Variants in ZNF691 observed in about 807,000 individuals in gnomAD.
The protein encoded by ZNF691 is zinc finger protein 691.
In ZNF691, 11 loss-of-function variants were observed where a neutral mutation model predicts 24.1. That is an observed-to-expected ratio of 0.46 (90% CI 0.29 to 0.75). ZNF691 has a LOEUF of 0.75. Ranked by LOEUF, ZNF691 falls within the 30% of genes least tolerant of loss-of-function variation. The pLI is 0.11. For synonymous variants in ZNF691, 149 were observed against 153.9 expected (o/e 0.97, Z 0.23); for missense variants, 356 against 409.0 (o/e 0.87, Z 1.12).
rs768583400 is a variant in ZNF691, at chr1:42,851,172, A to G, written c.307A>G (p.Ile103Val). Residue 103 changes from isoleucine (I) to valine (V), a missense_variant, in exon 4 of 4, where the codon ATT (isoleucine) becomes GTT (valine). By Grantham distance (29) the Ile-to-Val change is conservative (BLOSUM62 3). Transcript: ENST00000651192. This position sits in a 1 kb window ranked among gnomAD's most constrained non-coding sequence, Gnocchi z 4.7. ...TVRARELGDP[I>V]AHPRHEADEK... ...CCGGGCTCGAGAGCTAGGGGACCCC[A>G]TTGCTCATCCAAGGCATGAGGCAGA... 18 of 1,614,190 alleles carry G rather than the reference A, an allele frequency of 1.1e-5. No individual in the cohort carries two copies. The South Asian group carries it at 1.9e-4, about 17-fold the overall frequency.
Position 42,851,267 on chromosome 1 carries a change from G to A in ZNF691, c.402G>A (p.Gln134=). ...ATACCTCCAACCTGAGAACACACCA[G>A]CGGATCCACACTGGTGAGAAGCCTT... ...FNNTSNLRTH[Q]RIHTGEKPYK... The change falls in exon 4 of 4, where the codon CAG becomes CAA. Residue 134 remains glutamine (Q), a synonymous_variant. Transcript: ENST00000651192. This position sits in a 1 kb window ranked among gnomAD's most constrained non-coding sequence, Gnocchi z 4.7. The A allele has an allele frequency of 6.2e-7, 1 of 1,613,852 alleles. No homozygotes were observed. Among genetic ancestry groups the A allele is most frequent in the Non-Finnish European group, 8.5e-7 (1 of 1,179,950 alleles).
At position 42,852,361 on chromosome 1, in the gene ZNF691, T is replaced by G; in HGVS notation, c.*548T>G. On this transcript the variant is annotated 3_prime_UTR_variant, in exon 4 of 4. Coordinates refer to ENST00000651192, the MANE Select transcript of ZNF691 (RefSeq NM_001242739.2). ...CACCTTAGAAATGAAAGGGAAACCC[T>G]CAGGGAGCCATGACCCAGGGACCTT... 4.8e-6 allele frequency: 1 copy of G among 208,220 alleles called. No homozygotes were observed. Among genetic ancestry groups the G allele is most frequent in the South Asian group, 9.7e-5 (1 of 10,260 alleles). 12.9% of individuals were successfully genotyped at this position (208,220 alleles called of 1,614,324 possible). A position where few individuals can be genotyped will look rare whatever the true frequency, so the allele number is the denominator to read the frequency against.
In ZNF691 at chr1:42,851,988, G is replaced by T; in HGVS notation, c.*175G>T. The stretch of plus-strand genomic sequence containing the variant: ...CAGGAAGTCCTGAGGAGGGACTCTG[G>T]AATAAAAACCCTTGCCTCTTTCCAG... On this transcript the variant is annotated 3_prime_UTR_variant, in exon 4 of 4. Transcript: ENST00000651192. The surrounding 1 kb of genome is among the most constrained non-coding windows in gnomAD (Gnocchi z 4.7). 9.8e-7 allele frequency: 1 copy of T among 1,024,170 alleles called. No homozygotes were observed. The highest frequency in any genetic ancestry group is 1.5e-6 in the Non-Finnish European group (1 of 667,142). The allele number at this position is 1,024,170 out of a possible 1,614,324, so 63.4% of individuals were successfully genotyped here.
intron 1 of ZNF691, among the ~76,000 whole-genome samples, chr1:42,849,032 T>C (rs961512448): frequency 6.6e-6 from 1 of 152,242 alleles, no homozygotes; most frequent in Admixed American, 6.5e-5. Flanking sequence ...CTTTATGTCT[T>C]GTCTATGGCT....
chr1:42,851,026 G>A lies in ZNF691; in HGVS notation c.161G>A (p.Trp54Ter). Residue 54 changes from tryptophan (W) to a stop codon, truncating the protein, a stop_gained, in exon 4 of 4, where the codon TGG becomes TAG. Transcript: ENST00000651192. LOFTEE classifies it high-confidence loss of function. The surrounding 1 kb of genome is among the most constrained non-coding windows in gnomAD (Gnocchi z 4.7). ...GAGGAAGGGGAAGGGGGTAAGCCTT[G>A]GAGAGTGGATGACTCAGAGGGTTCT... The part of the protein sequence containing the change: ...LPEEGEGGKP[W>*]RVDDSEGSWI... 1 of 1,570,882 alleles carries A rather than the reference G, an allele frequency of 6.4e-7. No individual in the cohort carries two copies. Among genetic ancestry groups the A allele is most frequent in the Non-Finnish European group, 8.6e-7 (1 of 1,160,356 alleles).
intron 1 of ZNF691, among the ~76,000 whole-genome samples, chr1:42,847,504 C>A (rs1445190327): frequency 6.6e-6 from 1 of 152,190 alleles, no homozygotes; most frequent in Non-Finnish European, 1.5e-5. Context: ...TATGAAAGTG[C>A]CTCTGTACTT....
At chr1:42,847,145 T>C (rs1238328249) in intron 1 of ZNF691, among the ~76,000 whole-genome samples, 1 of 152,180 alleles carries the variant, frequency 6.6e-6, no homozygotes, top group Non-Finnish European at 1.5e-5. Context: ...TCCTCCTGTA[T>C]CTCTGACCCG....
chr1:42,850,348 T>A, intron 3 of ZNF691: 1 of 934,110 alleles, frequency 1.1e-6, no homozygotes, highest in Non-Finnish European at 1.3e-6. Flanking sequence ...GTCCTGGAGG[T>A]CCCAGGTATT....
chr1:42,847,853 T>G (rs1443092493), intron 1 of ZNF691, among the ~76,000 whole-genome samples: 1 of 152,244 alleles, frequency 6.6e-6, no homozygotes, highest in African/African-American at 2.4e-5. Context: ...ATCTCTAAAA[T>G]AAGGATGATG....
chr1:42,848,494 G>C (rs1033803065), intron 1 of ZNF691, among the ~76,000 whole-genome samples: 4 of 152,190 alleles, frequency 2.6e-5, no homozygotes, highest in Non-Finnish European at 5.9e-5. Flanking sequence ...GCATAAAGGA[G>C]AAAGTAGGCA....
chr1:42,849,818 A>C, intron 3 of ZNF691, 76 bp downstream of exon 3: 1 of 1,276,332 alleles, frequency 7.8e-7, no homozygotes, highest in Non-Finnish European at 1.1e-6. Context: ...AGCACACATT[A>C]GTGATGTTTG....
intron 3 of ZNF691, 87 bp from the exon 4 acceptor site, chr1:42,850,863 G>GTAT: frequency 6.4e-7 from 1 of 1,567,860 alleles, no homozygotes; most frequent in Non-Finnish European, 8.6e-7. Flanking sequence ...TGGGGAAGGT[G>GTAT]TATACCCTTC....
Position 42,851,750 on chromosome 1 carries a change from C to T in ZNF691, c.885C>T (p.Ser295=). 2 of 1,614,240 alleles carry T rather than the reference C, an allele frequency of 1.2e-6. No individual in the cohort carries two copies. The highest frequency in any genetic ancestry group is 2.2e-5 in the East Asian group (1 of 44,888). Residue 295 remains serine (S), a synonymous_variant, in exon 4 of 4, where the codon AGC becomes AGT. Coordinates refer to ENST00000651192, the MANE Select transcript of ZNF691 (RefSeq NM_001242739.2). This position sits in a 1 kb window ranked among gnomAD's most constrained non-coding sequence, Gnocchi z 4.7. ...CTVCGKHFSR[S]SNLIRHQKTH... ...TGTGTGGGAAACACTTCTCCCGGAG[C>T]TCGAATCTCATCCGCCACCAGAAAA...
rs764821252 is a variant in ZNF691, at chr1:42,851,615, A to G, written c.750A>G (p.Thr250=). The G allele has an allele frequency of 1.9e-5, 31 of 1,614,052 alleles. No homozygotes were observed. The highest frequency in any genetic ancestry group is 2.5e-5 in the Non-Finnish European group (30 of 1,180,038). Residue 250 remains threonine, a synonymous_variant, in exon 4 of 4, where the codon ACA becomes ACG. Transcript: ENST00000651192. The surrounding 1 kb of genome is among the most constrained non-coding windows in gnomAD (Gnocchi z 4.7). ...TTGGCGTGCATCACCGCACCCACACAGGTGAGAGACCTTATGAGTGCACTG... is the reference window on the plus strand; with the variant it reads ...TTGGCGTGCATCACCGCACCCACACGGGTGAGAGACCTTATGAGTGCACTG... ...SSFGVHHRTH[T]GERPYECTEC...
In ZNF691 at chr1:42,852,105, A is replaced by C. The variant is rs150146455; in HGVS notation, c.*292A>C. ...AATAGGGTAGGCTCAGAACATGCTCATGTTATTAAGGCAGCAGTCCCCCTG... is the reference window on the plus strand; with the variant it reads ...AATAGGGTAGGCTCAGAACATGCTCCTGTTATTAAGGCAGCAGTCCCCCTG... On this transcript the variant is annotated 3_prime_UTR_variant, in exon 4 of 4. Transcript: ENST00000651192. The C allele has an allele frequency of 2.6e-4, 136 of 518,196 alleles. No individual in the cohort carries two copies. Among genetic ancestry groups the C allele is most frequent in the African/African-American group, 2.4e-3 (127 of 51,856 alleles). 32.1% of individuals were successfully genotyped at this position (518,196 alleles called of 1,614,324 possible).
At position 42,851,112 on chromosome 1, in the gene ZNF691, A is replaced by G; in HGVS notation, c.247A>G (p.Thr83Ala). 2.5e-6 allele frequency: 4 copies of G among 1,613,242 alleles called. No individual in the cohort carries two copies. Among genetic ancestry groups the G allele is most frequent in the Non-Finnish European group, 3.4e-6 (4 of 1,179,664 alleles). Residue 83 changes from threonine to alanine, a missense_variant, in exon 4 of 4, where the codon ACT becomes GCT. Coordinates refer to ENST00000651192, the MANE Select transcript of ZNF691 (RefSeq NM_001242739.2). This position sits in a 1 kb window ranked among gnomAD's most constrained non-coding sequence, Gnocchi z 4.7. ...GAGCCTGTCGGATGAACTGCAAGAAACTCATCCAAAAAAGCCATGGCAGAA... is the reference window on the plus strand; with the variant it reads ...GAGCCTGTCGGATGAACTGCAAGAAGCTCATCCAAAAAAGCCATGGCAGAA... ...QESLSDELQE[T>A]HPKKPWQKVT...
intron 1 of ZNF691, among the ~76,000 whole-genome samples, chr1:42,847,037 AAC>A (rs1557619727): frequency 1.3e-5 from 2 of 152,084 alleles, no homozygotes; most frequent in Non-Finnish European, 2.9e-5. Flanking sequence ...CCCGCCCCGC[AAC>A]ACACAACTCA....
intron 1 of ZNF691, among the ~76,000 whole-genome samples, chr1:42,848,541 A>T (rs992906032): frequency 6.6e-6 from 1 of 152,186 alleles, no homozygotes; most frequent in Non-Finnish European, 1.5e-5. Context: ...TGGGTGAGAC[A>T]GTTCATGGTT....
chr1:42,847,068 G>A (rs1027853670), intron 1 of ZNF691, among the ~76,000 whole-genome samples: 1 of 151,546 alleles, frequency 6.6e-6, no homozygotes, highest in Non-Finnish European at 1.5e-5. Context: ...GCCCTGGCCT[G>A]TGACACTTCT....
Sources: gnomAD v4.1 joint callset for allele counts (sites outside exome capture counted in the v4.1 genomes callset) on GRCh38, gnomAD v4.1.1 for gene constraint, Gnocchi (gnomAD v3.1) non-coding constraint, MANE v1.5 for transcripts, NCBI Gene and HGNC (gene_info 2026-07-23, HGNC 2026-07-21) for gene names.